The following NOS2 variants were observed in gnomAD, a reference collection of about 807,000 sequenced individuals.
The protein encoded by NOS2 is nitric oxide synthase 2.
In NOS2, 96 loss-of-function variants were observed where a neutral mutation model predicts 136.0. The ratio of observed to expected loss-of-function variants is 0.71; its 90% CI spans 0.60 to 0.84. The LOEUF (loss-of-function observed/expected upper bound fraction) is 0.84. NOS2 is among the 40% of genes least tolerant of loss of function. The pLI is 0.00. For synonymous variants in NOS2, 539 were observed against 587.5 expected (o/e 0.92, Z 1.20); for missense variants, 1,237 against 1,496.9 (o/e 0.83, Z 2.87).
intron 6 of NOS2, 60 bp from the exon 7 acceptor site, chr17:27,782,166 T>G: frequency 6.9e-7 from 1 of 1,450,862 alleles, no homozygotes; most frequent in Non-Finnish European, 9.6e-7. Flanking sequence ...GCTTTGAGGC[T>G]GATCAGAAGT....
At chr17:27,788,996 T>C in intron 3 of NOS2, 65 bp from the exon 4 acceptor site, 1 of 1,570,958 alleles carries the variant, frequency 6.4e-7, no homozygotes, top group Non-Finnish European at 8.7e-7. Context: ...TGCCTTGTCT[T>C]AGAGTGGGGA....
rs753799387 is a variant in NOS2 at position 27,761,205 on chromosome 17, C to T, written c.2827G>A (p.Val943Ile). Reference sequence around the variant, plus strand: ...AGGCTGTTGAGCCATGTGCTGCAGACGCCGTGGTGCAGGGGACCCTGGCCA... The same window carrying T: ...AGGCTGTTGAGCCATGTGCTGCAGATGCCGTGGTGCAGGGGACCCTGGCCA... ...RDGQGPLHHG[V>I]CSTWLNSLKP... is the part of the protein sequence containing the mutation. Residue 943 changes from valine to isoleucine, a missense_variant, in exon 23 of 27, where the codon GTC becomes ATC. By Grantham distance (29) the Val-to-Ile change is conservative (BLOSUM62 3). Around this residue, in one of 3 missense-constraint regions of NOS2, gnomAD observed 782 missense variants for 909.9 expected, o/e 0.86. Transcript: ENST00000313735. 1.9e-6 allele frequency: 3 copies of T among 1,609,252 alleles called. No individual in the cohort carries two copies. Among genetic ancestry groups the T allele is most frequent in the South Asian group, 1.1e-5 (1 of 90,048 alleles).
intron 13 of NOS2, among the ~76,000 whole-genome samples, chr17:27,772,657 G>A (rs1908535399): frequency 6.6e-6 from 1 of 152,154 alleles, no homozygotes; most frequent in Admixed American, 6.5e-5. Flanking sequence ...TGGGAAAAGG[G>A]AGGAGAGAGA....
At chr17:27,783,930 A>G (rs1908932621) in intron 5 of NOS2, among the ~76,000 whole-genome samples, 1 of 152,194 alleles carries the variant, frequency 6.6e-6, no homozygotes, top group South Asian at 2.1e-4. Flanking sequence ...GGACCTGGCT[A>G]TCGGAGCTCA....
chr17:27,774,568 G>A, intron 11 of NOS2, 117 bp from the exon 12 acceptor site: 1 of 640,354 alleles, frequency 1.6e-6, no homozygotes, highest in Non-Finnish European at 2.5e-6. Context: ...TGTAACACGG[G>A]AGAGCAACTC....
chr17:27,772,916 T>C (rs1908543231), intron 13 of NOS2, among the ~76,000 whole-genome samples: 1 of 152,082 alleles, frequency 6.6e-6, no homozygotes, highest in Admixed American at 6.5e-5. Context: ...GTACCTGTGG[T>C]CCCAGCTACT....
chr17:27,773,584 C>T (rs1908568092), intron 12 of NOS2, among the ~76,000 whole-genome samples: 1 of 152,180 alleles, frequency 6.6e-6, no homozygotes, highest in South Asian at 2.1e-4. Flanking sequence ...ACCGAGACAC[C>T]TTTGAGAGCA....
At chr17:27,765,495 A>G in intron 20 of NOS2, 40 bp downstream of exon 20, 2 of 1,527,186 alleles carry the variant, frequency 1.3e-6, no homozygotes, top group Non-Finnish European at 8.8e-7. Context: ...GGGCGGCCAG[A>G]GGGTGCCAGG....
intron 4 of NOS2, 82 bp downstream of exon 4, chr17:27,788,727 G>C: frequency 1.3e-6 from 2 of 1,530,386 alleles, no homozygotes; most frequent in Non-Finnish European, 1.8e-6. Flanking sequence ...TTTGCCCAGG[G>C]GGACACCTGT....
intron 22 of NOS2, among the ~76,000 whole-genome samples, chr17:27,761,938 A>C (rs552943691): frequency 4.9e-4 from 74 of 152,214 alleles, no homozygotes; most frequent in Non-Finnish European, 8.5e-4. Flanking sequence ...GCTGTTCTCT[A>C]GCAGGGCAAA....
chr17:27,797,595 G>A (rs181917254), intron 2 of NOS2, among the ~76,000 whole-genome samples: 8 of 152,364 alleles, frequency 5.3e-5, no homozygotes, highest in African/African-American at 1.4e-4. Flanking sequence ...TCCAGGGGGC[G>A]CCCTACCCTT....
rs200599830 is a variant in NOS2 at position 27,772,356 on chromosome 17, C to T, written c.1656G>A (p.Ala552=). Residue 552 remains alanine (A), a synonymous_variant, in exon 14 of 27, where the codon GCG becomes GCA. Transcript: ENST00000313735. ...ATAAGGCCCCCAGGTCCCAGGCCAG[C>T]GCCTCTGATTTTCCTGTCTCTGTCG... is the stretch of plus-strand genomic sequence containing the variant. ...LFATETGKSE[A]LAWDLGALFS... 7.9e-5 allele frequency: 127 copies of T among 1,614,152 alleles called. No individual in the cohort carries two copies. The highest frequency in any genetic ancestry group is 1.1e-4 in the East Asian group (5 of 44,884).
At chr17:27,757,795 G>A (rs1488414142) in intron 26 of NOS2, among the ~76,000 whole-genome samples, 1 of 152,158 alleles carries the variant, frequency 6.6e-6, no homozygotes, top group Non-Finnish European at 1.5e-5. Flanking sequence ...TCTTTTTGAT[G>A]CCAACTGTCT....
Position 27,769,521 on chromosome 17 carries a change from G to A in NOS2, c.1859+14C>T, listed in dbSNP as rs199541231. ...AGGGCAGGGCTAGGAGTAGGACAAC[G>A]GAAAAAGCTTTACCTGAATTTGTTG... is the stretch of plus-strand genomic sequence containing the variant. On this transcript the variant is annotated intron_variant, in intron 16 of 26. Transcript: ENST00000313735. The A allele has an allele frequency of 7.4e-5, 119 of 1,611,542 alleles. No homozygotes were observed. Among genetic ancestry groups the A allele is most frequent in the Admixed American group, 3.3e-4 (20 of 60,010 alleles).
At chr17:27,776,714 C>T (rs933633977) in intron 11 of NOS2, among the ~76,000 whole-genome samples, 26 of 149,982 alleles carry the variant, frequency 1.7e-4, no homozygotes, top group African/African-American at 5.9e-4. Flanking sequence ...GTGGTAGCCA[C>T]GATCATGATG....
chr17:27,759,507 T>C (rs1376975131), intron 25 of NOS2, among the ~76,000 whole-genome samples: 1 of 152,126 alleles, frequency 6.6e-6, no homozygotes, highest in African/African-American at 2.4e-5. Context: ...TCAGGGACTC[T>C]CTGCTCCTGC....
chr17:27,798,244 T>C (rs1041180021), intron 2 of NOS2, among the ~76,000 whole-genome samples: 2 of 152,212 alleles, frequency 1.3e-5, no homozygotes, highest in Non-Finnish European at 2.9e-5. Flanking sequence ...CGGCAACTAG[T>C]GCGGCCAGCA....
intron 5 of NOS2, among the ~76,000 whole-genome samples, chr17:27,784,597 C>G (rs554360904): frequency 6.6e-6 from 1 of 152,312 alleles, no homozygotes; most frequent in African/African-American, 2.4e-5. Flanking sequence ...CCAATTCCTT[C>G]AGAGTTTTAG....
intron 15 of NOS2, among the ~76,000 whole-genome samples, chr17:27,770,612 T>C (rs774034629): frequency 6.6e-6 from 1 of 152,234 alleles, no homozygotes; most frequent in African/African-American, 2.4e-5. Flanking sequence ...TTTGTTTTCA[T>C]TGAATTTATG....
Sources: gnomAD v4.1 joint callset for allele counts (sites outside exome capture counted in the v4.1 genomes callset) on GRCh38, gnomAD v4.1.1 for gene constraint, gnomAD v4.1.1 regional missense constraint, MANE v1.5 for transcripts, NCBI Gene and HGNC (gene_info 2026-07-23, HGNC 2026-07-21) for gene names.